Variants in ZNF208 observed in about 807,000 individuals in gnomAD.
The protein encoded by ZNF208 is zinc finger protein 208.
ZNF208 carries 10 observed loss-of-function variants against 12.1 expected under a neutral mutation model. That is an observed-to-expected ratio of 0.83 (90% CI 0.51 to 1.40). The LOEUF is 1.40. ZNF208 is among the 40% of genes most tolerant of loss of function. The pLI is 0.00. For missense variants in ZNF208, 1,652 were observed against 1,485.0 expected (o/e 1.11, Z -1.85); for synonymous variants, 497 against 488.4 (o/e 1.02, Z -0.23).
At chr19:21,961,182 AAG>A (rs1325504163), downstream of ZNF208, among the ~76,000 whole-genome samples, 5 of 152,166 alleles carry the variant, frequency 3.3e-5, no homozygotes, top group Non-Finnish European at 5.9e-5. Flanking sequence ...AATAAAGAGA[AAG>A]AGTACAAAGA....
downstream of ZNF208, among the ~76,000 whole-genome samples, chr19:21,965,086 C>T (rs1418230614): frequency 5.3e-5 from 8 of 151,872 alleles, no homozygotes; most frequent in Non-Finnish European, 1.0e-4. Context: ...TAACTGCTTT[C>T]CAGTAAATCA....
chr19:21,980,959 T>C (rs1367257757), intron 3 of ZNF208, among the ~76,000 whole-genome samples: 2 of 152,038 alleles, frequency 1.3e-5, no homozygotes, highest in African/African-American at 4.8e-5. Flanking sequence ...CTAGAAAATC[T>C]AAAAGAAATG....
chr19:21,972,307 T>C lies in ZNF208; in HGVS notation c.2727A>G (p.Val909=), dbSNP rs1007091354. ...SMFSILTKHE[V]IHTGEKPYKC... The stretch of plus-strand genomic sequence containing the variant: ...TGTAGGGTTTCTCTCCAGTATGAAT[T>C]ACCTCATGTTTAGTAAGGATGGAGA... The change falls in exon 4 of 4, where the codon GTA becomes GTG. Residue 909 remains valine, a synonymous_variant. Coordinates refer to ENST00000397126, the MANE Select transcript of ZNF208 (RefSeq NM_007153.3). 5 of 1,613,706 alleles carry C rather than the reference T, an allele frequency of 3.1e-6. No homozygotes were observed. Among genetic ancestry groups the C allele is most frequent in the Non-Finnish European group, 4.2e-6 (5 of 1,179,892 alleles).
At chr19:21,946,572 G>A (rs1969818500) in intron 4 of ZNF208, among the ~76,000 whole-genome samples, 1 of 152,102 alleles carries the variant, frequency 6.6e-6, no homozygotes, top group African/African-American at 2.4e-5. Context: ...AAAGAATTCT[G>A]GGTATTATCT....
Position 21,966,846 on chromosome 19 carries a change from A to C in ZNF208, c.*4345T>G, listed in dbSNP as rs1970179551. Reference sequence around the variant, plus strand: ...TCACTTTGATTTACATCTTTCTGATAATTAGGAACGTTGAGCAATTTTTAC... The same window carrying C: ...TCACTTTGATTTACATCTTTCTGATCATTAGGAACGTTGAGCAATTTTTAC... On this transcript the variant is annotated 3_prime_UTR_variant, in exon 4 of 4. Coordinates refer to ENST00000397126, the MANE Select transcript of ZNF208 (RefSeq NM_007153.3). 6.6e-6 allele frequency: 1 copy of C among 152,158 alleles called. No homozygotes were observed. Among genetic ancestry groups the C allele is most frequent in the Non-Finnish European group, 1.5e-5 (1 of 68,006 alleles). 9.4% of individuals were successfully genotyped at this position (152,158 alleles called of 1,614,324 possible). A position where few individuals can be genotyped will look rare whatever the true frequency, so the allele number is the denominator to read the frequency against.
intron 1 of ZNF208, among the ~76,000 whole-genome samples, chr19:22,008,391 G>A (rs890186764): frequency 2.2e-4 from 34 of 151,452 alleles, no homozygotes; most frequent in African/African-American, 8.0e-4. Flanking sequence ...TCTGACTCAT[G>A]TGTCAAGTCA....
At chr19:21,978,393 C>CTGT (rs1433354419) in intron 3 of ZNF208, among the ~76,000 whole-genome samples, 12 of 152,198 alleles carry the variant, frequency 7.9e-5, no homozygotes, top group Non-Finnish European at 1.5e-4. Context: ...GCAATCTTTG[C>CTGT]TGTTCTGCAG....
rs546299649 is a variant in ZNF208 at position 21,988,881 on chromosome 19, A to G, written c.32T>C (p.Ile11Thr). The change falls in exon 2 of 4, where the codon ATA becomes ACA. Residue 11 changes from isoleucine (I) to threonine (T), a missense_variant. Around this residue, in one of 3 missense-constraint regions of ZNF208, gnomAD observed 410 missense variants for 378.2 expected, o/e 1.08. Transcript: ENST00000397126. MGSLTFRDVA[I>T]EFSLEEWQCL... ...TTGCCACTCCTCCAGAGAGAATTCT[A>G]TGGCCACATCCCTAAATGTCAATGA... The G allele has an allele frequency of 8.7e-6, 14 of 1,614,130 alleles. No homozygotes were observed. The highest frequency in any genetic ancestry group is 4.0e-5 in the African/African-American group (3 of 75,054).
chr19:21,978,036 G>A (rs917731952), intron 3 of ZNF208, among the ~76,000 whole-genome samples: 1 of 152,104 alleles, frequency 6.6e-6, no homozygotes, highest in African/African-American at 2.4e-5. Flanking sequence ...CCTCCTCTTT[G>A]GGCAGGGCAT....
chr19:21,958,065 T>C (rs1970004623), intron 4 of ZNF208, among the ~76,000 whole-genome samples: 1 of 151,980 alleles, frequency 6.6e-6, no homozygotes, highest in Non-Finnish European at 1.5e-5. Flanking sequence ...AATTCCCACC[T>C]ATGAGTGAGA....
intron 4 of ZNF208, among the ~76,000 whole-genome samples, chr19:21,959,655 T>C (rs1263892594): frequency 6.6e-6 from 1 of 152,154 alleles, no homozygotes; most frequent in Non-Finnish European, 1.5e-5. Context: ...CATGGAAAAA[T>C]ATTTGTCAAT....
intron 4 of ZNF208, among the ~76,000 whole-genome samples, chr19:21,941,813 G>A (rs767493846): frequency 6.6e-6 from 1 of 151,986 alleles, no homozygotes; most frequent in Non-Finnish European, 1.5e-5. Flanking sequence ...ATAGTGTATC[G>A]TGCTAAAACA....
chr19:21,960,063 A>G (rs1215875677), intron 4 of ZNF208, among the ~76,000 whole-genome samples: 1 of 152,176 alleles, frequency 6.6e-6, no homozygotes, highest in Non-Finnish European at 1.5e-5. Flanking sequence ...ATTCTACAAA[A>G]TTATATGCTG....
intron 1 of ZNF208, among the ~76,000 whole-genome samples, chr19:22,001,943 T>TCTTCAACAAACTACTGG (rs1471835205): frequency 1.1e-5 from 1 of 89,092 alleles, no homozygotes; most frequent in Non-Finnish European, 2.6e-5. Flanking sequence ...AGAAAAGAAA[T>TCTTCAACAAACTACTGG]CTTCAACAAA....
intron 4 of ZNF208, among the ~76,000 whole-genome samples, chr19:21,951,382 A>C (rs966262901): frequency 2.6e-5 from 4 of 152,222 alleles, no homozygotes; most frequent in East Asian, 1.9e-4. Context: ...AAAAACAGTA[A>C]AATTTTATAA....
intron 1 of ZNF208, among the ~76,000 whole-genome samples, chr19:22,006,236 T>C (rs1240271638): frequency 6.6e-6 from 1 of 152,056 alleles, no homozygotes. Context: ...CATTTAAACA[T>C]TCCCCTCACC....
chr19:21,943,051 T>G (rs185075357), intron 4 of ZNF208, among the ~76,000 whole-genome samples: 1 of 152,224 alleles, frequency 6.6e-6, no homozygotes, highest in Non-Finnish European at 1.5e-5. Context: ...AAAATTCTCC[T>G]GTTATTGTCT....
intron 4 of ZNF208, among the ~76,000 whole-genome samples, chr19:21,955,252 C>T (rs1219605647): frequency 2.0e-5 from 3 of 152,180 alleles, no homozygotes; most frequent in Admixed American, 1.3e-4. Flanking sequence ...TCTCTGGCTG[C>T]CCTCAACATT....
At chr19:21,975,696 A>G (rs187613632) in intron 3 of ZNF208, among the ~76,000 whole-genome samples, 288 of 152,152 alleles carry the variant, frequency 1.9e-3, no homozygotes, top group Middle Eastern at 6.8e-3. Context: ...ATAACACTCA[A>G]TGAGTGAAAT....
Sources: allele counts gnomAD v4.1 joint callset (sites outside exome capture counted in the v4.1 genomes callset), GRCh38; gene constraint gnomAD v4.1.1; regional missense constraint gnomAD v4.1.1; transcripts MANE v1.5; gene names NCBI Gene and HGNC (gene_info 2026-07-23, HGNC 2026-07-21).